Variants in NRG1 observed in about 807,000 individuals in gnomAD.
NRG1 encodes the protein neuregulin 1.
Under a neutral mutation model 63.8 loss-of-function variants are expected in NRG1, and 18 were observed. The ratio of observed to expected loss-of-function variants is 0.28; its 90% CI spans 0.19 to 0.42. The LOEUF is 0.42. Among genes scored for constraint, NRG1 ranks in the 10% least tolerant of loss-of-function variants. The pLI is 1.00. For missense variants in NRG1, 762 were observed against 814.7 expected (o/e 0.94, Z 0.79); for synonymous variants, 302 against 301.3 (o/e 1.00, Z -0.02).
chr8:32,442,230 T>C (rs1178959037), intron 1 of NRG1, among the ~76,000 whole-genome samples: 1 of 152,176 alleles, frequency 6.6e-6, no homozygotes, highest in Admixed American at 6.5e-5. Flanking sequence ...TGTTTGCTTT[T>C]CTCCACCTAA....
At chr8:32,433,075 A>G (rs1446696930) in intron 1 of NRG1, among the ~76,000 whole-genome samples, 2 of 152,104 alleles carry the variant, frequency 1.3e-5, no homozygotes, top group African/African-American at 4.8e-5. Flanking sequence ...GGCACATACT[A>G]TCTGCCCCAC....
chr8:32,708,954 G>A (rs1385941221), intron 5 of NRG1, among the ~76,000 whole-genome samples: 6 of 152,074 alleles, frequency 3.9e-5, no homozygotes, highest in Non-Finnish European at 8.8e-5. Flanking sequence ...GGTGACACTT[G>A]ACATCTGTAT....
At chr8:31,881,153 T>C (rs1275939947) in intron 1 of NRG1, among the ~76,000 whole-genome samples, 1 of 152,218 alleles carries the variant, frequency 6.6e-6, no homozygotes, top group Non-Finnish European at 1.5e-5. Flanking sequence ...TTTGCAGATA[T>C]TGTGTTTTTT....
intron 1 of NRG1, among the ~76,000 whole-genome samples, chr8:31,861,720 C>T (rs1409764497): frequency 1.3e-5 from 2 of 152,108 alleles, no homozygotes; most frequent in Admixed American, 6.6e-5. Context: ...TTCTTCTTCC[C>T]CTTGATAGGC....
At chr8:32,034,281 T>A (rs114069960) in intron 1 of NRG1, among the ~76,000 whole-genome samples, 114 of 152,348 alleles carry the variant, frequency 7.5e-4, no homozygotes, top group African/African-American at 2.6e-3. Context: ...GAACAAGCCT[T>A]GCATACCAAC....
intron 5 of NRG1, among the ~76,000 whole-genome samples, chr8:32,656,818 A>G (rs374950555): frequency 6.6e-6 from 1 of 151,178 alleles, no homozygotes. Context: ...GATGGACCCA[A>G]TAAAACTTGG....
At chr8:32,277,635 G>A (rs758618739) in intron 1 of NRG1, among the ~76,000 whole-genome samples, 1 of 152,172 alleles carries the variant, frequency 6.6e-6, no homozygotes, top group Non-Finnish European at 1.5e-5. Context: ...AACCAGGGGT[G>A]ATTTTGCCCC....
At chr8:31,681,866 A>T (rs1808372470) in intron 1 of NRG1, among the ~76,000 whole-genome samples, 1 of 152,112 alleles carries the variant, frequency 6.6e-6, no homozygotes, top group Non-Finnish European at 1.5e-5. Flanking sequence ...TATAGCCTTC[A>T]TCCCCACAAA....
At chr8:32,074,290 A>G (rs1212110278) in intron 1 of NRG1, among the ~76,000 whole-genome samples, 1 of 152,120 alleles carries the variant, frequency 6.6e-6, no homozygotes, top group Non-Finnish European at 1.5e-5. Flanking sequence ...TGCTGCTGTA[A>G]CAGTTCCTAG....
At chr8:32,637,252 T>C (rs1352900400) in intron 5 of NRG1, among the ~76,000 whole-genome samples, 1 of 152,148 alleles carries the variant, frequency 6.6e-6, no homozygotes, top group Non-Finnish European at 1.5e-5. Context: ...TTTGATGAAA[T>C]TTCCTGTATA....
In NRG1 at chr8:32,490,043, A is replaced by G. The variant is rs377169709; in HGVS notation, c.38-105785A>G. On this transcript the variant is annotated intron_variant, in intron 1 of 10. Coordinates refer to the NRG1 transcript ENST00000519301. ...AATTCTTGCAGCTGGATGTGGTGGC[A>G]CATGCCTATAATCCCAATGGGAGAC... 5.4e-4 allele frequency among the ~76,000 whole-genome samples: 82 copies of G among 152,328 alleles called. 1 individual carries two copies. Among genetic ancestry groups the G allele is most frequent in the African/African-American group, 1.9e-3 (79 of 41,576 alleles).
intron 1 of NRG1, among the ~76,000 whole-genome samples, chr8:31,781,776 AG>A (rs1563395248): frequency 1.3e-5 from 2 of 152,110 alleles, no homozygotes; most frequent in Non-Finnish European, 2.9e-5. Flanking sequence ...CCTCTGAAAC[AG>A]AATCTGGTTT....
chr8:32,244,942 G>T (rs1229406703), intron 1 of NRG1, among the ~76,000 whole-genome samples: 2 of 152,164 alleles, frequency 1.3e-5, no homozygotes, highest in African/African-American at 2.4e-5. Flanking sequence ...AATTCCAAAA[G>T]GTGGGTGGGG....
intron 1 of NRG1, among the ~76,000 whole-genome samples, chr8:32,477,988 T>C (rs1465020672): frequency 6.6e-6 from 1 of 152,242 alleles, no homozygotes; most frequent in Non-Finnish European, 1.5e-5. Flanking sequence ...ACAGAATGCA[T>C]TGGAGATTTG....
intron 1 of NRG1, among the ~76,000 whole-genome samples, chr8:32,385,282 C>T (rs1810866270): frequency 6.6e-6 from 1 of 152,114 alleles, no homozygotes; most frequent in Non-Finnish European, 1.5e-5. Context: ...GCCTTGGCCT[C>T]CCAAAGTGCT....
chr8:32,016,642 T>C (rs1254098828), intron 1 of NRG1, among the ~76,000 whole-genome samples: 1 of 152,188 alleles, frequency 6.6e-6, no homozygotes, highest in East Asian at 1.9e-4. Flanking sequence ...AAAAAAAATT[T>C]GAGAATTTAT....
At chr8:32,150,250 A>ATTATC (rs1837357010) in intron 1 of NRG1, among the ~76,000 whole-genome samples, 2 of 152,246 alleles carry the variant, frequency 1.3e-5, no homozygotes, top group African/African-American at 2.4e-5. Context: ...ATTTAGTGGA[A>ATTATC]AATACACATT....
chr8:32,320,698 AT>A (rs1801284191), intron 1 of NRG1, among the ~76,000 whole-genome samples: 1 of 152,184 alleles, frequency 6.6e-6, no homozygotes, highest in Non-Finnish European at 1.5e-5. Context: ...GGGGATTACA[AT>A]TCGACCTGAG....
intron 1 of NRG1, among the ~76,000 whole-genome samples, chr8:32,395,182 A>G (rs1812285811): frequency 6.6e-6 from 1 of 152,282 alleles, no homozygotes. Context: ...CTTATGAGCT[A>G]ATGCAGGGAT....
Sources: allele counts gnomAD v4.1 joint callset (sites outside exome capture counted in the v4.1 genomes callset), GRCh38; gene constraint gnomAD v4.1.1; transcripts MANE v1.5; gene names NCBI Gene and HGNC (gene_info 2026-07-23, HGNC 2026-07-21).